Variants in RNF20 observed in about 807,000 individuals in gnomAD.
The protein encoded by RNF20 is ring finger protein 20.
A neutral mutation model predicts 126.2 loss-of-function variants in RNF20; 84 were observed. The ratio of observed to expected loss-of-function variants is 0.67; its 90% CI spans 0.56 to 0.80. The LOEUF (loss-of-function observed/expected upper bound fraction) is 0.80. RNF20 is among the 30% of genes least tolerant of loss of function. The pLI, the probability that RNF20 is intolerant of heterozygous loss-of-function variation, is 0.00. For missense variants in RNF20, 869 were observed against 1,188.2 expected (o/e 0.73, Z 3.95); for synonymous variants, 400 against 414.3 (o/e 0.97, Z 0.42).
At chr9:101,547,027 T>TC (rs1827359665) in intron 7 of RNF20, 61 bp downstream of exon 7, 1 of 1,607,040 alleles carries the variant, frequency 6.2e-7, no homozygotes, top group Admixed American at 1.7e-5. Flanking sequence ...TCAGGAAGAC[T>TC]CACCTTGGGG....
In RNF20 at chr9:101,561,177, G is replaced by A. The variant is rs78555934; in HGVS notation, c.2596G>A (p.Val866Met). Reference protein sequence around the residue: ...KKLHDFQDEIVENSVTKEKDM... With the variant: ...KKLHDFQDEIMENSVTKEKDM... ...GCTACATGATTTTCAGGATGAGATC[G>A]TGGAGAACAGTGTTACCAAAGAAAA... The change falls in exon 18 of 20, where the codon GTG (valine) becomes ATG (methionine). Residue 866 changes from valine to methionine, a missense_variant. Val to Met is a conservative substitution (Grantham distance 21). Around this residue, in one of 8 missense-constraint regions of RNF20, gnomAD observed 150 missense variants for 173.7 expected, o/e 0.86. Transcript: ENST00000389120. 1.2e-3 allele frequency: 1,990 copies of A among 1,613,908 alleles called. 19 individuals carry two copies. In the African/African-American group the frequency reaches 0.016, roughly 13 times the overall value.
chr9:101,550,841 A>T (rs1827431614), intron 10 of RNF20, 56 bp downstream of exon 10: 27 of 1,467,556 alleles, frequency 1.8e-5, no homozygotes, highest in Non-Finnish European at 2.6e-5. Flanking sequence ...TAAATTTTAC[A>T]ATTTTACTCC....
In RNF20 at chr9:101,550,745, G is replaced by C. The variant is rs1440792813; in HGVS notation, c.1232G>C (p.Gly411Ala). 6.2e-7 allele frequency: 1 copy of C among 1,614,040 alleles called. No homozygotes were observed. The highest frequency in any genetic ancestry group is 8.5e-7 in the Non-Finnish European group (1 of 1,180,012). ...HLDEARTLLH[G>A]TRGTHQHQVE... Reference sequence around the variant, plus strand: ...GATGAGGCTCGGACCCTGCTTCATGGCACCAGAGGAACCCACCAGCACCAG... The same window carrying C: ...GATGAGGCTCGGACCCTGCTTCATGCCACCAGAGGAACCCACCAGCACCAG... The change falls in exon 10 of 20, where the codon GGC (glycine) becomes GCC (alanine). Residue 411 changes from glycine to alanine, a missense_variant. Physicochemically the swap from Gly to Ala is moderately conservative, Grantham distance 60 (BLOSUM62 0). Coordinates refer to ENST00000389120, the MANE Select transcript of RNF20 (RefSeq NM_019592.7).
chr9:101,539,501 G>A (rs1321494761), intron 2 of RNF20, among the ~76,000 whole-genome samples: 7 of 152,126 alleles, frequency 4.6e-5, no homozygotes, highest in Non-Finnish European at 8.8e-5. Flanking sequence ...AGACCGAAAA[G>A]GAGAAAGAAA....
chr9:101,549,992 G>A (rs1022554157), intron 9 of RNF20, among the ~76,000 whole-genome samples: 2 of 151,830 alleles, frequency 1.3e-5, no homozygotes, highest in Non-Finnish European at 1.5e-5. Flanking sequence ...CTCTTGCCTC[G>A]GCACCTGGGT....
At position 101,550,804 on chromosome 9, in the gene RNF20, C is replaced by T. The variant is rs1827430658; in HGVS notation, c.1272+19C>T. 6.2e-7 allele frequency: 1 copy of T among 1,610,926 alleles called. No homozygotes were observed. Among genetic ancestry groups the T allele is most frequent in the Non-Finnish European group, 8.5e-7 (1 of 1,177,136 alleles). On this transcript the variant is annotated intron_variant, in intron 10 of 19. Coordinates refer to ENST00000389120, the MANE Select transcript of RNF20 (RefSeq NM_019592.7). Reference sequence around the variant, plus strand: ...TATTGAGGTAATAGCCTTGCCTTGTCTTTTGTATGTAAGCTTTCTTGCCTC... The same window carrying T: ...TATTGAGGTAATAGCCTTGCCTTGTTTTTTGTATGTAAGCTTTCTTGCCTC...
intron 14 of RNF20, 74 bp downstream of exon 14, chr9:101,554,179 C>A: frequency 1.2e-6 from 1 of 810,966 alleles, no homozygotes; most frequent in Non-Finnish European, 2.0e-6. Flanking sequence ...TACTTGCCAA[C>A]GATATAATTT....
Position 101,552,569 on chromosome 9 carries a change from A to G in RNF20, c.1717A>G (p.Arg573Gly). 6.2e-7 allele frequency: 1 copy of G among 1,605,740 alleles called. No individual in the cohort carries two copies. The highest frequency in any genetic ancestry group is 8.5e-7 in the Non-Finnish European group (1 of 1,172,438). ...KRDEEERERERREKERERERE... is the reference protein window; with the variant it reads ...KRDEEEREREGREKERERERE... ...GGATGAAGAAGAACGAGAACGAGAA[A>G]GGAGGGAGAAGGAGAGGGAACGAGA... Residue 573 changes from arginine to glycine, a missense_variant, in exon 13 of 20, where the codon AGG becomes GGG. By Grantham distance (125) the Arg-to-Gly change is moderately radical (BLOSUM62 -2). Transcript: ENST00000389120.
At chr9:101,538,488 G>A (rs796379408) in intron 2 of RNF20, among the ~76,000 whole-genome samples, 6 of 152,194 alleles carry the variant, frequency 3.9e-5, no homozygotes, top group African/African-American at 1.4e-4. Context: ...AGGAAGGTGG[G>A]GTAATGGCCT....
chr9:101,562,196 G>A (rs1465719093), intron 19 of RNF20, 50 bp from the exon 20 acceptor site: 2 of 1,573,286 alleles, frequency 1.3e-6, no homozygotes, highest in African/African-American at 2.7e-5. Context: ...AGAGCCATTT[G>A]GATCATAAAC....
At chr9:101,562,117 G>T (rs986432399) in intron 19 of RNF20, 106 bp downstream of exon 19, 67 of 1,296,184 alleles carry the variant, frequency 5.2e-5, no homozygotes, top group Admixed American at 2.3e-4. Flanking sequence ...GTTTATTTTG[G>T]AGGTTGGGGG....
chr9:101,549,083 A>G (rs10819951), intron 9 of RNF20, among the ~76,000 whole-genome samples: 5,666 of 152,298 alleles, frequency 0.037, 154 homozygotes, highest in Non-Finnish European at 0.053. Context: ...TGCGGAGACG[A>G]GAGAGTGTAG....
chr9:101,553,825 CAA>C (rs1435062616), intron 13 of RNF20, among the ~76,000 whole-genome samples, 161 bp from the exon 14 acceptor site: 3 of 152,110 alleles, frequency 2.0e-5, no homozygotes, highest in Non-Finnish European at 4.4e-5. Context: ...TAAGCATATC[CAA>C]AAGTCTTTTG....
At chr9:101,536,598 A>G (rs1430389159) in intron 2 of RNF20, among the ~76,000 whole-genome samples, 3 of 152,230 alleles carry the variant, frequency 2.0e-5, no homozygotes, top group African/African-American at 4.8e-5. Context: ...TATTCACTCA[A>G]TATATAAATA....
At position 101,547,471 on chromosome 9, in the gene RNF20, C is replaced by A; in HGVS notation, c.1045C>A (p.Leu349Ile). The A allele has an allele frequency of 6.2e-7, 1 of 1,614,120 alleles. No individual in the cohort carries two copies. ...GAACCGTCTCTGTGAGCTGGAGAAA[C>A]TTCGGCAAGACTTTGAGGAGGTCAC... is the stretch of plus-strand genomic sequence containing the variant. ...AQNRLCELEK[L>I]RQDFEEVTTQ... Residue 349 changes from leucine to isoleucine, a missense_variant, in exon 9 of 20, where the codon CTT becomes ATT. Coordinates refer to ENST00000389120, the MANE Select transcript of RNF20 (RefSeq NM_019592.7).
At chr9:101,545,443 A>G (rs1471534214) in intron 6 of RNF20, among the ~76,000 whole-genome samples, 1 of 152,234 alleles carries the variant, frequency 6.6e-6, no homozygotes, top group African/African-American at 2.4e-5. Flanking sequence ...GTTATCTCTA[A>G]TGGCAAAACA....
At chr9:101,547,014 T>G in intron 7 of RNF20, 48 bp downstream of exon 7, 2 of 1,611,260 alleles carry the variant, frequency 1.2e-6, no homozygotes, top group Non-Finnish European at 1.7e-6. Context: ...TTAAGGAGTG[T>G]TCTCAGGAAG....
rs1483706571 is a variant in RNF20 at position 101,535,447 on chromosome 9, A to G, written c.24A>G (p.Arg8=). 1.2e-6 allele frequency: 2 copies of G among 1,613,394 alleles called. No homozygotes were observed. The highest frequency in any genetic ancestry group is 3.3e-5 in the Admixed American group (2 of 59,886). The change falls in exon 2 of 20, where the codon AGA becomes AGG. Residue 8 remains arginine (R), a synonymous_variant. Transcript: ENST00000389120. MSGIGNK[R]AAGEPGTSMP... ...AAATGTCAGGAATTGGAAATAAAAG[A>G]GCAGCTGGAGAACCTGGCACCTCCA...
At chr9:101,560,642 A>G in intron 16 of RNF20, 159 bp from the exon 17 acceptor site, 1 of 515,440 alleles carries the variant, frequency 1.9e-6, no homozygotes, top group Non-Finnish European at 3.3e-6. Flanking sequence ...GCTTTCAGTT[A>G]TCATAGTCTT....
Sources: allele counts gnomAD v4.1 joint callset (sites outside exome capture counted in the v4.1 genomes callset), GRCh38; gene constraint gnomAD v4.1.1; regional missense constraint gnomAD v4.1.1; transcripts MANE v1.5; gene names NCBI Gene and HGNC (gene_info 2026-07-23, HGNC 2026-07-21).